Variants in ADAP1 observed in about 807,000 individuals in gnomAD.
The protein encoded by ADAP1 is arf-GAP with dual PH domain-containing protein 1.
In ADAP1, 31 loss-of-function variants were observed where a neutral mutation model predicts 54.9. The observed-to-expected ratio is 0.56, with a 90% CI of 0.42 to 0.76. The LOEUF is 0.76. ADAP1 is among the 30% of genes least tolerant of loss of function. The pLI, the probability that ADAP1 is intolerant of heterozygous loss-of-function variation, is 0.00. For missense variants in ADAP1, 535 were observed against 512.4 expected, an observed-to-expected ratio of 1.04 and a Z score of -0.42; for synonymous variants, 313 against 202.6, an observed-to-expected ratio of 1.55 and a Z score of -4.63.
chr7:954,312 C>T, intron 1 of ADAP1, 84 bp downstream of exon 1: 2 of 987,746 alleles, frequency 2.0e-6, no homozygotes, highest in Non-Finnish European at 2.4e-6. Flanking sequence ...CCCGCCCGGT[C>T]CCCGGGGCCC....
intron 4 of ADAP1, among the ~76,000 whole-genome samples, chr7:913,973 C>A (rs572913750): frequency 1.4e-4 from 21 of 152,278 alleles, no homozygotes; most frequent in Admixed American, 3.9e-4. Context: ...GGTGGTGATC[C>A]TTCCTTTTGG....
At chr7:930,628 G>A (rs1846543185) in intron 2 of ADAP1, among the ~76,000 whole-genome samples, 1 of 151,644 alleles carries the variant, frequency 6.6e-6, no homozygotes, top group African/African-American at 2.4e-5. Flanking sequence ...AGGCCAGCCT[G>A]GCCAACATGG....
intron 5 of ADAP1, among the ~76,000 whole-genome samples, chr7:904,818 T>G (rs117084377): frequency 6.6e-6 from 1 of 152,146 alleles, no homozygotes; most frequent in Admixed American, 6.5e-5. Context: ...TGGGCCTGAG[T>G]TCAGGGGGCC....
rs985274112 is a variant in ADAP1 at position 920,597 on chromosome 7, G to A, written c.306-547C>T. 1.5e-4 allele frequency among the ~76,000 whole-genome samples: 23 copies of A among 152,010 alleles called. No individual in the cohort carries two copies. Among genetic ancestry groups the A allele is most frequent in the African/African-American group, 5.3e-4 (22 of 41,378 alleles). On this transcript the variant is annotated intron_variant, in intron 3 of 10. Coordinates refer to ENST00000265846, the MANE Select transcript of ADAP1 (RefSeq NM_006869.4). The surrounding 1 kb of genome is among the most constrained non-coding windows in gnomAD (Gnocchi z 4.5). ...GGACGGAGCTATCAGGGCACCCGTCGAGGTCAGGAGGCGTCCGGGGCATCA... is the reference window on the plus strand; with the variant it reads ...GGACGGAGCTATCAGGGCACCCGTCAAGGTCAGGAGGCGTCCGGGGCATCA...
chr7:904,690 T>A (rs1845007245), intron 5 of ADAP1, among the ~76,000 whole-genome samples: 1 of 152,168 alleles, frequency 6.6e-6, no homozygotes, highest in South Asian at 2.1e-4. Context: ...TTCTTGCCAA[T>A]GTGTTTGTCC....
At chr7:904,980 C>G (rs184299672) in intron 5 of ADAP1, 80 bp downstream of exon 5, 2 of 1,265,838 alleles carry the variant, frequency 1.6e-6, no homozygotes, top group Non-Finnish European at 2.3e-6. Flanking sequence ...CGGATGGACG[C>G]GGCCACCACA....
At chr7:907,348 C>T (rs544252113) in intron 4 of ADAP1, among the ~76,000 whole-genome samples, 2 of 152,174 alleles carry the variant, frequency 1.3e-5, no homozygotes, top group East Asian at 3.9e-4. Context: ...GGGACGTGGC[C>T]GTGGAAACTG....
chr7:903,768 T>TC (rs907813131), intron 6 of ADAP1, among the ~76,000 whole-genome samples: 3 of 152,040 alleles, frequency 2.0e-5, no homozygotes, highest in Non-Finnish European at 1.5e-5. Flanking sequence ...CCCCCCGAGG[T>TC]CCCCTCTGGG....
chr7:955,368 G>A (rs147829246), upstream of ADAP1: 11 of 1,550,148 alleles, frequency 7.1e-6, no homozygotes, highest in African/African-American at 1.4e-5. Context: ...CTTCTTGCAG[G>A]GTTAATGCAG....
chr7:931,398 G>C (rs1286619657), intron 2 of ADAP1, among the ~76,000 whole-genome samples: 1 of 152,240 alleles, frequency 6.6e-6, no homozygotes, highest in Non-Finnish European at 1.5e-5. Flanking sequence ...CTCCGGCCTT[G>C]AAAGGAACGA....
intron 3 of ADAP1, among the ~76,000 whole-genome samples, chr7:924,053 CCG>C: frequency 1.4e-5 from 2 of 145,424 alleles, no homozygotes; most frequent in Non-Finnish European, 1.5e-5. Context: ...GCTGCACCCC[CCG>C]CCCTCCGGGT....
At chr7:924,514 G>A (rs1382926373) in intron 3 of ADAP1, among the ~76,000 whole-genome samples, 1 of 97,310 alleles carries the variant, frequency 1.0e-5, no homozygotes, top group Non-Finnish European at 2.0e-5. Flanking sequence ...CCGCCCTCCA[G>A]ATTACACAGC....
chr7:935,664 C>G (rs1846734601), intron 1 of ADAP1, among the ~76,000 whole-genome samples, 159 bp from the exon 2 acceptor site: 1 of 116,188 alleles, frequency 8.6e-6, no homozygotes, highest in South Asian at 3.7e-4. Context: ...AGGCACCTAA[C>G]CCCAGCTCCC....
intron 4 of ADAP1, among the ~76,000 whole-genome samples, chr7:911,058 C>T (rs1218179789): frequency 1.3e-5 from 2 of 152,198 alleles, no homozygotes; most frequent in Non-Finnish European, 2.9e-5. Context: ...TGCACCTTCT[C>T]CAGGTTGGTG....
Position 900,123 on chromosome 7 carries a change from G to A in ADAP1, c.774C>T (p.Tyr258=), listed in dbSNP as rs747698425. 8.7e-6 allele frequency: 14 copies of A among 1,613,150 alleles called. No homozygotes were observed. The African/African-American group carries it at 1.7e-4, about 20-fold the overall frequency. The change falls in exon 8 of 11, where the codon TAC becomes TAT. Residue 258 remains tyrosine (Y), a synonymous_variant. Transcript: ENST00000265846. The part of the protein sequence containing the change: ...KLSRNYLKEG[Y]MEKTGPKQTE... Reference sequence around the variant, plus strand: ...CCACCTTGGGCCCCGTCTTCTCCATGTAGCCTTCCTTCAGGTAGTTCCTGG... The same window carrying A: ...CCACCTTGGGCCCCGTCTTCTCCATATAGCCTTCCTTCAGGTAGTTCCTGG...
At chr7:925,637 T>C (rs1846356318) in intron 3 of ADAP1, among the ~76,000 whole-genome samples, 1 of 152,214 alleles carries the variant, frequency 6.6e-6, no homozygotes, top group Non-Finnish European at 1.5e-5. Flanking sequence ...CAGCAGCTCC[T>C]GGGCAGGCAG....
chr7:921,798 C>G (rs1881120), intron 3 of ADAP1, among the ~76,000 whole-genome samples: 1 of 152,182 alleles, frequency 6.6e-6, no homozygotes, highest in Non-Finnish European at 1.5e-5. Context: ...ACGGGAGGAC[C>G]GAAGGCCGCA....
rs1181507875 is a variant in ADAP1 at position 917,327 on chromosome 7, C to T, written c.388+2641G>A. Among the ~76,000 whole-genome samples, 182 of 41,738 alleles carry T rather than the reference C, an allele frequency of 4.4e-3. 5 individuals are homozygous for T. The highest frequency in any genetic ancestry group is 0.017 in the African/African-American group (173 of 10,370). The allele number at this position is 41,738 out of a possible 152,430, so 27.4% of individuals were successfully genotyped here. On this transcript the variant is annotated intron_variant, in intron 4 of 10. Transcript: ENST00000265846. ...AGGGGGGGCGCAGTGCCAGCTCTAC[C>T]GGGGAGGTGCACGGGAGGGGGGCGC...
chr7:948,931 G>A (rs1459361251), intron 1 of ADAP1, among the ~76,000 whole-genome samples: 1 of 152,168 alleles, frequency 6.6e-6, no homozygotes. Context: ...TCCTGACCTC[G>A]TGATCCTCCC....
Sources: allele counts gnomAD v4.1 joint callset (sites outside exome capture counted in the v4.1 genomes callset), GRCh38; gene constraint gnomAD v4.1.1; non-coding constraint Gnocchi (gnomAD v3.1); transcripts MANE v1.5; gene names NCBI Gene and HGNC (gene_info 2026-07-23, HGNC 2026-07-21).